The following TMEM209 variants were observed in gnomAD, a reference collection of about 807,000 sequenced individuals.
The protein encoded by TMEM209 is transmembrane protein 209, also known as testicular tissue protein Li 202.
Under a neutral mutation model 76.2 loss-of-function variants are expected in TMEM209, and 65 were observed. The observed-to-expected ratio is 0.85, with a 90% CI of 0.70 to 1.05. The LOEUF (loss-of-function observed/expected upper bound fraction) is 1.05. TMEM209 is among the 50% of genes least tolerant of loss of function. TMEM209 has a pLI of 0.00. For missense variants in TMEM209, 623 were observed against 685.5 expected (o/e 0.91, Z 1.02); for synonymous variants, 239 against 237.6 (o/e 1.01, Z -0.06).
At chr7:130,178,294 A>G (rs1230881296) in intron 10 of TMEM209, 108 bp downstream of exon 10, 2 of 1,112,420 alleles carry the variant, frequency 1.8e-6, no homozygotes, top group Non-Finnish European at 2.5e-6. Flanking sequence ...ACGTATTTAT[A>G]AGACATGTTA....
intron 6 of TMEM209, among the ~76,000 whole-genome samples, chr7:130,187,499 T>C (rs1797641807): frequency 6.6e-6 from 1 of 151,214 alleles, no homozygotes; most frequent in Admixed American, 6.6e-5. Context: ...AGGCAGAGAG[T>C]TGGGCTGACA....
intron 11 of TMEM209, among the ~76,000 whole-genome samples, chr7:130,174,492 C>T (rs1435058389): frequency 6.6e-6 from 1 of 152,136 alleles, no homozygotes; most frequent in Non-Finnish European, 1.5e-5. Flanking sequence ...AAAAGCAGGG[C>T]ATTCTTAGTT....
At chr7:130,181,264 C>G (rs1344330633) in intron 9 of TMEM209, among the ~76,000 whole-genome samples, 1 of 152,134 alleles carries the variant, frequency 6.6e-6, no homozygotes, top group Non-Finnish European at 1.5e-5. Flanking sequence ...ACAGGCCTAT[C>G]TATAGAGACA....
At chr7:130,180,759 C>A (rs1367837493) in intron 9 of TMEM209, among the ~76,000 whole-genome samples, 2 of 152,132 alleles carry the variant, frequency 1.3e-5, no homozygotes, top group Non-Finnish European at 2.9e-5. Flanking sequence ...CAAATCAAAA[C>A]CAAAATGAGA....
intron 3 of TMEM209, among the ~76,000 whole-genome samples, chr7:130,203,328 A>T (rs1178474777): frequency 6.6e-6 from 1 of 152,208 alleles, no homozygotes; most frequent in Non-Finnish European, 1.5e-5. Context: ...CCTGTGAAAG[A>T]CTTTAATGTG....
At chr7:130,188,799 C>CA (rs1390342432) in intron 6 of TMEM209, among the ~76,000 whole-genome samples, 4 of 152,052 alleles carry the variant, frequency 2.6e-5, no homozygotes, top group Non-Finnish European at 4.4e-5. Flanking sequence ...GACAAAGAGA[C>CA]AAAGCAGCAT....
At position 130,192,615 on chromosome 7, in the gene TMEM209, T is replaced by C. The variant is rs1234944501; in HGVS notation, c.775+7A>G. On this transcript the variant is annotated splice_region_variant and intron_variant, in intron 6 of 14. Transcript: ENST00000397622. ...TGTATAGTAGATATACAGAAATATA[T>C]ATGTACCCAGCTTAACCCTATGCTG... The C allele has an allele frequency of 6.2e-7, 1 of 1,612,332 alleles. No homozygotes were observed. The highest frequency in any genetic ancestry group is 8.5e-7 in the Non-Finnish European group (1 of 1,179,006).
At position 130,201,912 on chromosome 7, in the gene TMEM209, A is replaced by G. The variant is rs1275598010; in HGVS notation, c.511T>C (p.Ser171Pro). Reference sequence around the variant, plus strand: ...GGGCTATAAGAACCACTGCCACCTGAGGACAGACCTTGCAGCTGAGGGCTG... The same window carrying G: ...GGGCTATAAGAACCACTGCCACCTGGGGACAGACCTTGCAGCTGAGGGCTG... ...GYSPQLQGLS[S>P]GGSGSYSPGV... Residue 171 changes from serine to proline, a missense_variant, in exon 5 of 15, where the codon TCA (serine) becomes CCA (proline). By Grantham distance (74) the Ser-to-Pro change is moderately conservative (BLOSUM62 -1). Coordinates refer to ENST00000397622, the MANE Select transcript of TMEM209 (RefSeq NM_032842.4). The G allele has an allele frequency of 2.5e-6, 4 of 1,613,806 alleles. No homozygotes were observed. In the Admixed American group the frequency reaches 5.0e-5, roughly 20 times the overall value.
chr7:130,195,078 G>A (rs1797926387), intron 5 of TMEM209, among the ~76,000 whole-genome samples: 1 of 151,906 alleles, frequency 6.6e-6, no homozygotes, highest in Non-Finnish European at 1.5e-5. Flanking sequence ...AATGTCTATG[G>A]GGAAGTATCC....
chr7:130,193,908 C>G (rs926397853), intron 5 of TMEM209, among the ~76,000 whole-genome samples: 2 of 149,526 alleles, frequency 1.3e-5, no homozygotes, highest in African/African-American at 4.9e-5. Flanking sequence ...AAGAAATAAA[C>G]CACTGTGAGG....
rs561561189 is a variant in TMEM209 at position 130,178,519 on chromosome 7, T to C, written c.1129A>G (p.Ile377Val). ...AGGGCAGCTTGTTTCAAGCTAGTAA[T>C]ACTAGCCTCTGTTAACATAAAACAC... Reference protein sequence around the residue: ...CPELQIGEASITSLKQAALVK... With the variant: ...CPELQIGEASVTSLKQAALVK... Residue 377 changes from isoleucine (I) to valine (V), a missense_variant, in exon 10 of 15, where the codon ATT (isoleucine) becomes GTT (valine). Transcript: ENST00000397622. 56 of 1,613,334 alleles carry C rather than the reference T, an allele frequency of 3.5e-5. No homozygotes were observed. In the East Asian group the frequency reaches 1.1e-3, roughly 33 times the overall value.
intron 5 of TMEM209, among the ~76,000 whole-genome samples, chr7:130,198,643 C>T (rs1224031913): frequency 1.3e-5 from 2 of 151,992 alleles, no homozygotes; most frequent in Non-Finnish European, 2.9e-5. Flanking sequence ...AAAAATGAAA[C>T]CATTTAAGGT....
At chr7:130,191,466 A>G (rs1171474403) in intron 6 of TMEM209, among the ~76,000 whole-genome samples, 1 of 152,300 alleles carries the variant, frequency 6.6e-6, no homozygotes, top group East Asian at 1.9e-4. Context: ...GTGAACAAAT[A>G]TAGAGCCCCA....
chr7:130,194,908 T>C (rs929402710), intron 5 of TMEM209, among the ~76,000 whole-genome samples: 1 of 152,186 alleles, frequency 6.6e-6, no homozygotes, highest in African/African-American at 2.4e-5. Context: ...AATTGTTAAA[T>C]GCTGTTTGAA....
In TMEM209 at chr7:130,184,234, T is replaced by G. The variant is rs772401686; in HGVS notation, c.973A>C (p.Asn325His). 6.2e-7 allele frequency: 1 copy of G among 1,607,776 alleles called. No individual in the cohort carries two copies. Among genetic ancestry groups the G allele is most frequent in the Non-Finnish European group, 8.5e-7 (1 of 1,177,484 alleles). The change falls in exon 8 of 15, where the codon AAT (asparagine) becomes CAT (histidine). Residue 325 changes from asparagine (N) to histidine (H), a missense_variant. Asn to His is a moderately conservative substitution (Grantham distance 68). Transcript: ENST00000397622. ...TCCATATGATCAAGAAGTTGTCTAT[T>G]CATAGCCACTCTTGCCCAGACCTAT... ...AEEVWARVAM[N>H]RQLLDHMDSW...
chr7:130,176,127 T>C (rs2116981104), intron 10 of TMEM209, among the ~76,000 whole-genome samples: 1 of 151,558 alleles, frequency 6.6e-6, no homozygotes, highest in South Asian at 2.1e-4. Context: ...TTTTTTTTTT[T>C]TTTGAGACAG....
Position 130,192,804 on chromosome 7 carries a change from G to C in TMEM209, c.593C>G (p.Ser198Cys), listed in dbSNP as rs370053728. Residue 198 changes from serine (S) to cysteine (C), a missense_variant, in exon 6 of 15, where the codon TCT (serine) becomes TGT (cysteine). Coordinates refer to ENST00000397622, the MANE Select transcript of TMEM209 (RefSeq NM_032842.4). ...GYNKLASFSP[S>C]PPSPYPTTVG... ...AGTGGTAGGGTACGGAGAAGGAGGA[G>C]AGGGGCTAAAGCTCGCCAACTATAC... 5 of 1,613,826 alleles carry C rather than the reference G, an allele frequency of 3.1e-6. No individual in the cohort carries two copies. The African/African-American group carries it at 5.3e-5, about 17-fold the overall frequency.
Position 130,185,309 on chromosome 7 carries a change from A to T in TMEM209, c.834T>A (p.Ser278=). The T allele has an allele frequency of 6.2e-7, 1 of 1,614,044 alleles. No individual in the cohort carries two copies. The highest frequency in any genetic ancestry group is 8.5e-7 in the Non-Finnish European group (1 of 1,179,882). ...SSPTFWNYSR[S]MGDYAQTLKK... ...TTAAAGTTTGTGCATAATCCCCCAT[A>T]GAACGACTATAGTTCCAGAAAGTAG... Residue 278 remains serine, a synonymous_variant, in exon 7 of 15, where the codon TCT becomes TCA. Coordinates refer to ENST00000397622, the MANE Select transcript of TMEM209 (RefSeq NM_032842.4).
At chr7:130,178,583 A>G in intron 9 of TMEM209, 56 bp from the exon 10 acceptor site, 1 of 1,597,546 alleles carries the variant, frequency 6.3e-7, no homozygotes, top group Non-Finnish European at 8.5e-7. Context: ...TTTCCAAAAG[A>G]ACTTAAAATG....
Sources: allele counts gnomAD v4.1 joint callset (sites outside exome capture counted in the v4.1 genomes callset), GRCh38; gene constraint gnomAD v4.1.1; transcripts MANE v1.5; gene names NCBI Gene and HGNC (gene_info 2026-07-23, HGNC 2026-07-21).